The following GTF2I variants were observed in gnomAD, a reference collection of about 807,000 sequenced individuals.
GTF2I encodes general transcription factor II-I.
A neutral mutation model predicts 67.6 loss-of-function variants in GTF2I; 12 were observed. That is an observed-to-expected ratio of 0.18 (90% CI 0.11 to 0.29). The LOEUF (loss-of-function observed/expected upper bound fraction) is 0.29. Among genes scored for constraint, GTF2I ranks in the 10% least tolerant of loss-of-function variants. The pLI is 1.00. For missense variants in GTF2I, 271 were observed against 580.1 expected, an observed-to-expected ratio of 0.47 and a Z score of 5.47; for synonymous variants, 149 against 197.0, an observed-to-expected ratio of 0.76 and a Z score of 2.04.
At chr7:74,660,636 T>TC (rs1584049321) in intron 1 of GTF2I, among the ~76,000 whole-genome samples, 1 of 149,052 alleles carries the variant, frequency 6.7e-6, no homozygotes, top group African/African-American at 2.5e-5. Context: ...TTTTTTTTTT[T>TC]CGGAAGCGGA....
chr7:74,692,861 C>A (rs587770264), intron 3 of GTF2I, among the ~76,000 whole-genome samples: 1 of 152,188 alleles, frequency 6.6e-6, no homozygotes, highest in African/African-American at 2.4e-5. Flanking sequence ...CTCTTGGGTT[C>A]AAGTGATTCT....
intron 1 of GTF2I, among the ~76,000 whole-genome samples, chr7:74,662,331 C>A (rs187672716): frequency 6.7e-6 from 1 of 149,562 alleles, no homozygotes; most frequent in Admixed American, 6.7e-5. Flanking sequence ...CTGCCTCAGC[C>A]TCCGGAGTAG....
rs149764568 is a variant in GTF2I, at chr7:74,673,136, A to T, written c.-6+15068A>T. On this transcript the variant is annotated intron_variant, in intron 1 of 34. Transcript: ENST00000573035. The stretch of plus-strand genomic sequence containing the variant: ...TGGCCTCCCAAAGTGCTGGGATTAC[A>T]GGCCTGAGCCACTGCCCCGAGCTGA... 3.3e-5 allele frequency among the ~76,000 whole-genome samples: 5 copies of T among 152,240 alleles called. No individual in the cohort carries two copies. In the East Asian group the frequency reaches 9.7e-4, roughly 29 times the overall value.
chr7:74,686,720 A>G (rs184763721), intron 1 of GTF2I, among the ~76,000 whole-genome samples: 1 of 152,272 alleles, frequency 6.6e-6, no homozygotes, highest in Non-Finnish European at 1.5e-5. Context: ...GTTTTATCCA[A>G]GAGAAAAAGA....
intron 1 of GTF2I, among the ~76,000 whole-genome samples, chr7:74,666,811 CAA>C (rs61609037): frequency 0.18 from 23,376 of 129,164 alleles, 3,469 homozygotes; most frequent in African/African-American, 0.43. Context: ...ACTAAAAATA[CAA>C]AAAAAAAAAA....
chr7:74,717,451 GC>G (rs1792397996), intron 11 of GTF2I, among the ~76,000 whole-genome samples: 1 of 152,054 alleles, frequency 6.6e-6, no homozygotes, highest in Non-Finnish European at 1.5e-5. Context: ...CAGCTCTACA[GC>G]TTTGGTTTTA....
chr7:74,695,745 A>T (rs1003644176), intron 3 of GTF2I, among the ~76,000 whole-genome samples: 1 of 151,988 alleles, frequency 6.6e-6, no homozygotes, highest in Non-Finnish European at 1.5e-5. Context: ...ATGTTGAGAA[A>T]TGTTCAAGCA....
intron 1 of GTF2I, among the ~76,000 whole-genome samples, chr7:74,662,604 C>T (rs587714467): frequency 3.5e-5 from 5 of 141,520 alleles, no homozygotes; most frequent in African/African-American, 1.0e-4. Flanking sequence ...CTCACTGCTA[C>T]CTCTGCCTCC....
chr7:74,749,930 T>C (rs868936913), intron 26 of GTF2I, among the ~76,000 whole-genome samples: 122 of 147,898 alleles, frequency 8.2e-4, no homozygotes, highest in South Asian at 3.3e-3. Flanking sequence ...AAATTTTCCT[T>C]ATGCTGCTGG....
intron 1 of GTF2I, among the ~76,000 whole-genome samples, chr7:74,683,388 C>T (rs118009845): frequency 0.019 from 2,844 of 152,202 alleles, 35 homozygotes; most frequent in Non-Finnish European, 0.029. Flanking sequence ...TAATTGTCAA[C>T]CTAGGTTTCT....
intron 1 of GTF2I, among the ~76,000 whole-genome samples, chr7:74,664,338 C>T (rs1239159973): frequency 6.6e-6 from 1 of 152,156 alleles, no homozygotes; most frequent in Non-Finnish European, 1.5e-5. Flanking sequence ...CTTTTTACCA[C>T]TTTGGCCTAC....
Position 74,691,814 on chromosome 7 carries a change from C to A in GTF2I, c.238+703C>A, listed in dbSNP as rs1274255812. On this transcript the variant is annotated intron_variant, in intron 3 of 34. Coordinates refer to ENST00000573035, the MANE Select transcript of GTF2I (RefSeq NM_032999.4). ...TTTTGAGACAGAGTTTCACTCTTGG[C>A]CCCCTGGGCTGGAGTGCAATGGCAC... is the stretch of plus-strand genomic sequence containing the variant. 3.3e-5 allele frequency among the ~76,000 whole-genome samples: 5 copies of A among 151,140 alleles called. No homozygotes were observed. In the East Asian group the frequency reaches 9.8e-4, roughly 30 times the overall value.
intron 1 of GTF2I, among the ~76,000 whole-genome samples, chr7:74,674,112 C>T (rs1199661645): frequency 2.1e-5 from 3 of 144,262 alleles, no homozygotes; most frequent in African/African-American, 7.8e-5. Flanking sequence ...TTCTGTCTCC[C>T]AAGCTGGAGT....
At position 74,674,151 on chromosome 7, in the gene GTF2I, C is replaced by G. The variant is rs587713872; in HGVS notation, c.-5-14973C>G. 6.3e-4 allele frequency among the ~76,000 whole-genome samples: 94 copies of G among 148,580 alleles called. 1 individual carries two copies. Among genetic ancestry groups the G allele is most frequent in the Non-Finnish European group, 9.0e-4 (61 of 67,630 alleles). On this transcript the variant is annotated intron_variant, in intron 1 of 34. Transcript: ENST00000573035. The stretch of plus-strand genomic sequence containing the variant: ...GTGGTGTGGTCATAGGTCACTGCAG[C>G]GTCGAACTCCTAGGCTCAAGTGATC...
chr7:74,717,122 T>A, intron 11 of GTF2I, 172 bp downstream of exon 11: 7 of 779,106 alleles, frequency 9.0e-6, no homozygotes, highest in Non-Finnish European at 1.3e-5. Context: ...TGTAATATAC[T>A]TCTTTGACCA....
At chr7:74,673,203 C>G (rs1036139845) in intron 1 of GTF2I, among the ~76,000 whole-genome samples, 5 of 152,080 alleles carry the variant, frequency 3.3e-5, no homozygotes, top group Admixed American at 2.6e-4. Context: ...ATCTTTAATC[C>G]TCATAGCAAT....
rs143519836 is a variant in GTF2I at position 74,675,379 on chromosome 7, C to T, written c.-5-13745C>T. 6.6e-4 allele frequency among the ~76,000 whole-genome samples: 100 copies of T among 152,130 alleles called. No individual in the cohort carries two copies. In the East Asian group the frequency reaches 0.018, roughly 27 times the overall value. ...TTGTCTGTCTGGAGACTAGTGTTAACTTTGATGACTTGGTTACGATGGGAT... is the reference window on the plus strand; with the variant it reads ...TTGTCTGTCTGGAGACTAGTGTTAATTTTGATGACTTGGTTACGATGGGAT... On this transcript the variant is annotated intron_variant, in intron 1 of 34. Transcript: ENST00000573035.
At chr7:74,685,515 C>T (rs868958185) in intron 1 of GTF2I, among the ~76,000 whole-genome samples, 1 of 151,878 alleles carries the variant, frequency 6.6e-6, no homozygotes, top group Middle Eastern at 3.4e-3. Context: ...AACAAAAGGC[C>T]GGGCGTGGTG....
At chr7:74,669,392 C>G (rs1805262781) in intron 1 of GTF2I, among the ~76,000 whole-genome samples, 1 of 151,400 alleles carries the variant, frequency 6.6e-6, no homozygotes, top group African/African-American at 2.4e-5. Flanking sequence ...CAATGTCTGG[C>G]TAATCTTTGT....
Sources: gnomAD v4.1 joint callset for allele counts (sites outside exome capture counted in the v4.1 genomes callset) on GRCh38, gnomAD v4.1.1 for gene constraint, MANE v1.5 for transcripts, NCBI Gene and HGNC (gene_info 2026-07-23, HGNC 2026-07-21) for gene names.